The following EDA variants were observed in gnomAD, a reference collection of about 807,000 sequenced individuals.
EDA encodes ectodysplasin A.
Under a neutral mutation model 23.6 loss-of-function variants are expected in EDA, and 2 were observed. The ratio of observed to expected loss-of-function variants is 0.08; its 90% CI spans 0.03 to 0.27. The LOEUF is 0.27. Among genes scored for constraint, EDA ranks in the 10% least tolerant of loss-of-function variants. The pLI, the probability that EDA is intolerant of heterozygous loss-of-function variation, is 1.00. For missense variants in EDA, 229 were observed against 324.2 expected (o/e 0.71, Z 2.26); for synonymous variants, 131 against 132.0 (o/e 0.99, Z 0.05).
intron 1 of EDA, among the ~76,000 whole-genome samples, chrX:69,864,086 T>A (rs2017445634): frequency 9.0e-6 from 1 of 111,722 alleles, no homozygotes; most frequent in Admixed American, 9.6e-5. Flanking sequence ...TATTCTTTTT[T>A]AAAATGTTTG....
At chrX:69,653,987 AG>A (rs1389780210) in intron 1 of EDA, among the ~76,000 whole-genome samples, 2 of 111,753 alleles carry the variant, frequency 1.8e-5, no homozygotes, top group African/African-American at 6.5e-5. Context: ...GCACAGCAAA[AG>A]AAACTACCAT....
chrX:69,931,923 C>T (rs1247675149), intron 1 of EDA, among the ~76,000 whole-genome samples: 3 of 111,969 alleles, frequency 2.7e-5, no homozygotes, highest in South Asian at 7.4e-4. Context: ...TTTGTAGTAA[C>T]TAAAAACTGG....
chrX:69,903,579 GCACA>G (rs58725900), intron 1 of EDA, among the ~76,000 whole-genome samples: 1 of 102,894 alleles, frequency 9.7e-6, no homozygotes, highest in Non-Finnish European at 2.0e-5. Context: ...GGCCCCCTCC[GCACA>G]CACACACACA....
chrX:69,861,728 A>C (rs978159588), intron 1 of EDA, among the ~76,000 whole-genome samples: 3 of 112,196 alleles, frequency 2.7e-5, no homozygotes, highest in African/African-American at 9.7e-5. Context: ...CTACATTACT[A>C]TCAGACAAAA....
intron 1 of EDA, among the ~76,000 whole-genome samples, chrX:69,732,634 C>T (rs2013082228): frequency 8.9e-6 from 1 of 111,885 alleles, no homozygotes. Context: ...ATGGCTGGGT[C>T]AAATGGTATT....
intron 1 of EDA, among the ~76,000 whole-genome samples, chrX:69,925,868 C>T (rs942187714): frequency 2.6e-4 from 24 of 92,017 alleles, no homozygotes; most frequent in African/African-American, 9.4e-4. Context: ...GATTCGATTT[C>T]TTCCTGGTTT....
chrX:69,914,617 T>C (rs909576600), intron 1 of EDA, among the ~76,000 whole-genome samples: 21 of 111,674 alleles, frequency 1.9e-4, no homozygotes, highest in African/African-American at 6.8e-4. Flanking sequence ...TTTCTTTGTG[T>C]TGGGAAATTC....
chrX:69,685,911 C>A (rs964710865), intron 1 of EDA, among the ~76,000 whole-genome samples: 4 of 112,941 alleles, frequency 3.5e-5, no homozygotes, highest in Admixed American at 9.3e-5. Context: ...AAAACCAATG[C>A]ATGTTAACAT....
chrX:69,708,599 C>T (rs2011833573), intron 1 of EDA, among the ~76,000 whole-genome samples: 1 of 110,519 alleles, frequency 9.0e-6, no homozygotes, highest in Non-Finnish European at 1.9e-5. Flanking sequence ...CTTCTACGGC[C>T]CTATAACTAA....
chrX:69,766,833 G>T (rs770025951), intron 1 of EDA, among the ~76,000 whole-genome samples: 1 of 112,388 alleles, frequency 8.9e-6, no homozygotes, highest in African/African-American at 3.2e-5. Context: ...GGATCGAATG[G>T]TAGTTCTGTT....
intron 2 of EDA, among the ~76,000 whole-genome samples, chrX:70,020,215 CATTTCT>C (rs1031711866): frequency 9.0e-6 from 1 of 111,701 alleles, no homozygotes; most frequent in African/African-American, 3.3e-5. Flanking sequence ...CCAACAGTGT[CATTTCT>C]AATGACACAT....
chrX:69,759,396 A>G (rs1020009882), intron 1 of EDA, among the ~76,000 whole-genome samples: 1 of 112,275 alleles, frequency 8.9e-6, no homozygotes, highest in South Asian at 3.7e-4. Context: ...TGTGGCTGAC[A>G]GCTCTCCTGA....
intron 1 of EDA, among the ~76,000 whole-genome samples, chrX:69,788,285 C>G (rs1176472778): frequency 1.8e-5 from 2 of 112,793 alleles, no homozygotes; most frequent in Non-Finnish European, 3.7e-5. Flanking sequence ...GCCTTCTTCT[C>G]TCAGCTCGTC....
rs1013602713 is a variant in EDA at position 69,885,602 on chromosome X, C to A, written c.397-71425C>A. Among the ~76,000 whole-genome samples, 8 of 112,096 alleles carry A rather than the reference C, an allele frequency of 7.1e-5. 1 individual carries two copies. The highest frequency in any genetic ancestry group is 2.6e-4 in the African/African-American group (8 of 30,830). ...TGCTGTTCATATTTCTCCACAGCAA[C>A]AATAATTTTGCAGCCATCCACAGAC... On this transcript the variant is annotated intron_variant, in intron 1 of 7. Transcript: ENST00000374552.
At chrX:69,954,276 C>T (rs2018968082) in intron 1 of EDA, among the ~76,000 whole-genome samples, 1 of 111,142 alleles carries the variant, frequency 9.0e-6, no homozygotes, top group Non-Finnish European at 1.9e-5. Context: ...GCACAGCACT[C>T]CTTTTTCCTG....
intron 1 of EDA, among the ~76,000 whole-genome samples, chrX:69,638,799 A>C (rs902735801): frequency 9.0e-6 from 1 of 111,677 alleles, no homozygotes; most frequent in African/African-American, 3.3e-5. Context: ...TTATCATTTT[A>C]GTCATTTTTA....
chrX:69,668,836 G>A (rs1933779257), intron 1 of EDA, among the ~76,000 whole-genome samples: 1 of 110,972 alleles, frequency 9.0e-6, no homozygotes, highest in South Asian at 3.8e-4. Context: ...CAAAGTGCTG[G>A]GATTACAGGC....
At chrX:70,023,882 CT>C (rs1482398630) in intron 3 of EDA, among the ~76,000 whole-genome samples, 7 of 111,740 alleles carry the variant, frequency 6.3e-5, no homozygotes, top group Admixed American at 5.7e-4. Flanking sequence ...ACCATTTAGT[CT>C]TTTCAAAGCA....
chrX:69,787,238 T>A (rs779138724), intron 1 of EDA, among the ~76,000 whole-genome samples: 15 of 99,756 alleles, frequency 1.5e-4, no homozygotes, highest in African/African-American at 5.3e-4. Flanking sequence ...GTCTTGACTC[T>A]TTATCCAATT....
Sources: allele counts gnomAD v4.1 joint callset (sites outside exome capture counted in the v4.1 genomes callset), GRCh38; gene constraint gnomAD v4.1.1; transcripts MANE v1.5; gene names NCBI Gene and HGNC (gene_info 2026-07-23, HGNC 2026-07-21).